Variants in RBFOX1 observed in about 807,000 individuals in gnomAD.
The protein encoded by RBFOX1 is RNA binding protein fox-1 homolog 1.
In RBFOX1, 8 loss-of-function variants were observed where a neutral mutation model predicts 57.7. That is an observed-to-expected ratio of 0.14 (90% CI 0.08 to 0.25). The LOEUF is 0.25. Among genes scored for constraint, RBFOX1 ranks in the 10% least tolerant of loss-of-function variants. The pLI, the probability that RBFOX1 is intolerant of heterozygous loss-of-function variation, is 1.00. For synonymous variants in RBFOX1, 326 were observed against 222.4 expected (o/e 1.47, Z -4.15); for missense variants, 611 against 548.5 (o/e 1.11, Z -1.14).
chr16:7,321,486 C>A (rs761921307), intron 4 of RBFOX1, among the ~76,000 whole-genome samples: 1 of 152,060 alleles, frequency 6.6e-6, no homozygotes, highest in African/African-American at 2.4e-5. Context: ...ACATGAAATA[C>A]GTGGAAAGGC....
intron 3 of RBFOX1, among the ~76,000 whole-genome samples, chr16:6,972,810 T>G (rs28542737): frequency 0.036 from 5,452 of 151,928 alleles, 308 homozygotes; most frequent in African/African-American, 0.12. Context: ...CTGTTCAAAT[T>G]CATATTTTTT....
intron 4 of RBFOX1, among the ~76,000 whole-genome samples, chr16:5,893,437 C>G (rs1034706003): frequency 6.6e-6 from 1 of 152,160 alleles, no homozygotes; most frequent in Non-Finnish European, 1.5e-5. Context: ...GTTTGTATCA[C>G]AAAGGATAAA....
intron 3 of RBFOX1, among the ~76,000 whole-genome samples, chr16:6,988,464 C>A (rs139444775): frequency 6.6e-6 from 1 of 151,998 alleles, no homozygotes; most frequent in Non-Finnish European, 1.5e-5. Context: ...TTTAAAAAGT[C>A]GATTGCCTGT....
rs74006933 is a variant in RBFOX1 at position 6,204,463 on chromosome 16, T to C, written c.-126-112532T>C. On this transcript the variant is annotated intron_variant, in intron 1 of 15. Coordinates refer to ENST00000550418, the MANE Select transcript of RBFOX1 (RefSeq NM_018723.4). Reference sequence around the variant, plus strand: ...AACTTGCTAGGCACTTGGGAGAAAATTGATTAAATAAAAATAATGAAATCC... The same window carrying C: ...AACTTGCTAGGCACTTGGGAGAAAACTGATTAAATAAAAATAATGAAATCC... Among the ~76,000 whole-genome samples the C allele has an allele frequency of 6.1e-3, 936 of 152,236 alleles. 10 individuals are homozygous for C. Among genetic ancestry groups the C allele is most frequent in the African/African-American group, 0.021 (864 of 41,536 alleles).
chr16:5,466,878 C>G (rs1450764001), intron 1 of RBFOX1, among the ~76,000 whole-genome samples: 1 of 152,210 alleles, frequency 6.6e-6, no homozygotes, highest in Non-Finnish European at 1.5e-5. Flanking sequence ...CAGTTACTCT[C>G]CACCCCGTAA....
intron 4 of RBFOX1, among the ~76,000 whole-genome samples, chr16:7,443,086 C>T (rs1185578784): frequency 6.6e-6 from 1 of 152,144 alleles, no homozygotes. Context: ...TTCAGTTGCA[C>T]GAGAACACTC....
chr16:7,673,915 A>C (rs190837975), intron 13 of RBFOX1, among the ~76,000 whole-genome samples: 1 of 152,198 alleles, frequency 6.6e-6, no homozygotes, highest in Non-Finnish European at 1.5e-5. Flanking sequence ...CAACATGAAC[A>C]TGGTCTGGTG....
intron 1 of RBFOX1, among the ~76,000 whole-genome samples, chr16:5,433,047 C>CATGG (rs1295522054): frequency 6.6e-6 from 1 of 152,150 alleles, no homozygotes; most frequent in Non-Finnish European, 1.5e-5. Flanking sequence ...ATGTTTATTA[C>CATGG]ATGGATGGAT....
At chr16:5,598,830 A>T in intron 2 of RBFOX1, 2 of 1,166,742 alleles carry the variant, frequency 1.7e-6, no homozygotes, top group Non-Finnish European at 2.4e-6. Context: ...AAACTGGGTT[A>T]CTCAAGGTTA....
chr16:5,339,016 T>C (rs2064968437), intron 1 of RBFOX1, among the ~76,000 whole-genome samples: 1 of 152,170 alleles, frequency 6.6e-6, no homozygotes, highest in Non-Finnish European at 1.5e-5. Context: ...CTTTTTTTTT[T>C]GTGGCAAGAA....
chr16:6,004,280 T>C (rs1406445646), intron 4 of RBFOX1, among the ~76,000 whole-genome samples: 1 of 152,222 alleles, frequency 6.6e-6, no homozygotes, highest in Non-Finnish European at 1.5e-5. Flanking sequence ...CTGCTGCTTA[T>C]TACCTGGGTG....
intron 3 of RBFOX1, among the ~76,000 whole-genome samples, chr16:6,833,616 A>G (rs916092899): frequency 2.6e-5 from 4 of 152,322 alleles, no homozygotes; most frequent in African/African-American, 7.2e-5. Flanking sequence ...TTAAAGTTAC[A>G]TGTCACAGGG....
chr16:7,710,681 T>C lies in RBFOX1; in HGVS notation c.1130T>C (p.Leu377Pro), dbSNP rs760080671. Residue 377 changes from leucine (L) to proline (P), a missense_variant, in exon 16 of 16, where the codon CTC becomes CCC. Transcript: ENST00000550418. ...KTRSHADDVG[L>P]VLSSLQASIY... is the part of the protein sequence containing the mutation. ...AGGAGCCATGCTGATGATGTGGGTCTCGTTCTTTCTTCATTGCAGGCTAGT... is the reference window on the plus strand; with the variant it reads ...AGGAGCCATGCTGATGATGTGGGTCCCGTTCTTTCTTCATTGCAGGCTAGT... 1 of 1,613,732 alleles carries C rather than the reference T, an allele frequency of 6.2e-7. No homozygotes were observed.
chr16:7,246,145 G>C (rs1448641602), intron 4 of RBFOX1, among the ~76,000 whole-genome samples: 1 of 152,192 alleles, frequency 6.6e-6, no homozygotes, highest in Non-Finnish European at 1.5e-5. Flanking sequence ...GCTGGTAAAT[G>C]TTTTGTTCAA....
At chr16:5,901,784 T>G (rs1370142198) in intron 4 of RBFOX1, among the ~76,000 whole-genome samples, 3 of 152,230 alleles carry the variant, frequency 2.0e-5, no homozygotes, top group Non-Finnish European at 4.4e-5. Flanking sequence ...AATTGAGCTT[T>G]TCTGTATCTT....
At chr16:5,727,378 A>T (rs1308328578) in intron 3 of RBFOX1, among the ~76,000 whole-genome samples, 2 of 152,212 alleles carry the variant, frequency 1.3e-5, no homozygotes, top group Non-Finnish European at 2.9e-5. Flanking sequence ...ACAAATAAAA[A>T]TTGTATATAT....
chr16:6,087,284 C>T (rs1019978995), intron 1 of RBFOX1, among the ~76,000 whole-genome samples: 2 of 152,110 alleles, frequency 1.3e-5, no homozygotes, highest in Non-Finnish European at 2.9e-5. Flanking sequence ...ATCTGTCTGT[C>T]CAGAGTTTTG....
intron 4 of RBFOX1, among the ~76,000 whole-genome samples, chr16:5,916,494 A>T (rs1009886694): frequency 2.0e-5 from 3 of 151,994 alleles, no homozygotes; most frequent in Admixed American, 6.6e-5. Context: ...AAATTTGCCT[A>T]TTCACCACTT....
At chr16:5,958,592 T>C (rs2059691847) in intron 4 of RBFOX1, among the ~76,000 whole-genome samples, 1 of 152,238 alleles carries the variant, frequency 6.6e-6, no homozygotes, top group African/African-American at 2.4e-5. Flanking sequence ...AATACAGGTG[T>C]ATTACTTTCC....
Sources: gnomAD v4.1 joint callset for allele counts (sites outside exome capture counted in the v4.1 genomes callset) on GRCh38, gnomAD v4.1.1 for gene constraint, MANE v1.5 for transcripts, NCBI Gene and HGNC (gene_info 2026-07-23, HGNC 2026-07-21) for gene names.